CARF: variants seen among roughly 807,000 people sequenced by gnomAD.
CARF encodes the protein calcium-responsive transcription factor.
In CARF, 57 loss-of-function variants were observed where a neutral mutation model predicts 82.0. The ratio of observed to expected loss-of-function variants is 0.70; its 90% CI spans 0.56 to 0.87. The LOEUF (loss-of-function observed/expected upper bound fraction) is 0.87, where lower values mean the gene tolerates loss of function less well. CARF is among the 40% of genes least tolerant of loss of function. The pLI, the probability that CARF is intolerant of heterozygous loss-of-function variation, is 0.00. For synonymous variants in CARF, 268 were observed against 290.1 expected (o/e 0.92, Z 0.77); for missense variants, 771 against 855.8 (o/e 0.90, Z 1.24).
At chr2:202,925,975 C>T (rs76539244) in intron 3 of CARF, 1 of 156,928 alleles carries the variant, frequency 6.4e-6, no homozygotes, top group Non-Finnish European at 1.4e-5. Flanking sequence ...TCCAATCCAG[C>T]TTAGACTCTG....
chr2:202,943,238 A>T (rs577448571), intron 5 of CARF, among the ~76,000 whole-genome samples: 3 of 151,850 alleles, frequency 2.0e-5, no homozygotes, highest in African/African-American at 7.2e-5. Context: ...CACCTGGCTC[A>T]TTTTTTTGTA....
chr2:202,943,552 C>G (rs1299731874), intron 5 of CARF, among the ~76,000 whole-genome samples: 2 of 140,392 alleles, frequency 1.4e-5, no homozygotes, highest in African/African-American at 5.2e-5. Context: ...TTCTGAAGTG[C>G]CAGAGTTGAC....
chr2:202,973,867 C>T (rs1039172504), intron 12 of CARF, among the ~76,000 whole-genome samples: 4 of 152,116 alleles, frequency 2.6e-5, no homozygotes, highest in African/African-American at 7.2e-5. Context: ...GCGGGCGGAT[C>T]GCGAGGTTAG....
chr2:202,960,902 G>A (rs2059292480), intron 8 of CARF, among the ~76,000 whole-genome samples: 2 of 152,044 alleles, frequency 1.3e-5, no homozygotes, highest in Admixed American at 6.6e-5. Flanking sequence ...CTAGTTTTAC[G>A]CTGATCTGGA....
At chr2:202,932,422 G>A (rs774025585) in intron 3 of CARF, among the ~76,000 whole-genome samples, 3 of 152,108 alleles carry the variant, frequency 2.0e-5, no homozygotes, top group Non-Finnish European at 2.9e-5. Context: ...AGGGAGCTAG[G>A]TTGTAGCTGT....
In CARF at chr2:202,984,447, T is replaced by C. The variant is rs980696810; in HGVS notation, c.*823T>C. On this transcript the variant is annotated 3_prime_UTR_variant, in exon 17 of 17. Transcript: ENST00000438828. ...AATTGAAAAAGAATAATAGAATTCC[T>C]TGGTGTTTACAGATAATTTGGAAAA... The C allele has an allele frequency of 5.3e-5, 8 of 152,188 alleles. No homozygotes were observed. The highest frequency in any genetic ancestry group is 1.2e-4 in the Non-Finnish European group (8 of 68,028). 9.4% of individuals were successfully genotyped at this position (152,188 alleles called of 1,614,324 possible).
At chr2:202,929,021 C>T (rs551204303) in intron 3 of CARF, among the ~76,000 whole-genome samples, 4 of 48,028 alleles carry the variant, frequency 8.3e-5, no homozygotes, top group East Asian at 3.9e-4. Context: ...TGAGCCATCA[C>T]GCCTGGCCTG....
intron 1 of CARF, among the ~76,000 whole-genome samples, chr2:202,915,594 C>T (rs1377870042): frequency 3.3e-5 from 5 of 152,096 alleles, no homozygotes; most frequent in African/African-American, 9.7e-5. Flanking sequence ...CTCAGCCTCC[C>T]GAGTAGCTGG....
intron 8 of CARF, among the ~76,000 whole-genome samples, chr2:202,960,019 A>G (rs1024746824): frequency 1.3e-5 from 2 of 152,164 alleles, no homozygotes; most frequent in Admixed American, 6.5e-5. Flanking sequence ...AAAGAAAGAC[A>G]AGGATGGGAA....
At position 202,961,510 on chromosome 2, in the gene CARF, T is replaced by G. The variant is rs576037139; in HGVS notation, c.832+84T>G. 6 of 1,235,898 alleles carry G rather than the reference T, an allele frequency of 4.9e-6. No individual in the cohort carries two copies. The East Asian group carries it at 1.5e-4, about 31-fold the overall frequency. 76.6% of individuals were successfully genotyped at this position (1,235,898 alleles called of 1,614,324 possible). ...ATGTGATTTTCCTAAGGTGATAACA[T>G]TTTTATTTTGGTAGCTGACAATTGA... On this transcript the variant is annotated intron_variant, in intron 9 of 16. Coordinates refer to ENST00000438828, the MANE Select transcript of CARF (RefSeq NM_024744.17).
At chr2:202,915,534 A>G (rs946918354) in intron 1 of CARF, among the ~76,000 whole-genome samples, 4 of 151,992 alleles carry the variant, frequency 2.6e-5, no homozygotes, top group Non-Finnish European at 4.4e-5. Flanking sequence ...CAGTGGTGCA[A>G]TCTTGGCTCA....
chr2:202,975,399 G>A (rs780480447), intron 13 of CARF, among the ~76,000 whole-genome samples: 19 of 151,870 alleles, frequency 1.3e-4, no homozygotes, highest in South Asian at 6.2e-4. Context: ...AGCCAAGATC[G>A]TGCCACTGCA....
At chr2:202,920,398 G>T (rs113851584) in intron 2 of CARF, among the ~76,000 whole-genome samples, 10 of 151,964 alleles carry the variant, frequency 6.6e-5, no homozygotes, top group Admixed American at 6.6e-5. Flanking sequence ...CTTGTGATCC[G>T]CCCGCCTCGG....
intron 2 of CARF, 76 bp downstream of exon 2, chr2:202,918,119 G>A: frequency 2.4e-6 from 1 of 415,032 alleles, no homozygotes; most frequent in Non-Finnish European, 4.7e-6. Flanking sequence ...TGTTTAAAAA[G>A]TCAAATTACC....
At position 202,961,271 on chromosome 2, in the gene CARF, G is replaced by A. The variant is rs1168923500; in HGVS notation, c.677G>A (p.Ser226Asn). The A allele has an allele frequency of 1.2e-6, 2 of 1,613,908 alleles. No individual in the cohort carries two copies. The highest frequency in any genetic ancestry group is 2.2e-5 in the East Asian group (1 of 44,892). ...IGDSYRGYCV[S>N]ETELESVLTF... ...GATTCATACCGTGGCTACTGTGTAAGTGAGACTGAATTAGAAAGTGTCCTA... is the reference window on the plus strand; with the variant it reads ...GATTCATACCGTGGCTACTGTGTAAATGAGACTGAATTAGAAAGTGTCCTA... Residue 226 changes from serine to asparagine, a missense_variant, in exon 9 of 17, where the codon AGT becomes AAT. Physicochemically the swap from Ser to Asn is conservative, Grantham distance 46. Transcript: ENST00000438828.
At chr2:202,955,052 A>T (rs2163248) in intron 7 of CARF, among the ~76,000 whole-genome samples, 134,964 of 152,094 alleles carry the variant, frequency 0.89, 60,568 homozygotes, top group Non-Finnish European at 0.95. Flanking sequence ...CTAAATTTTT[A>T]AATTTGTTTT....
chr2:202,982,636 C>A (rs1392505677), intron 16 of CARF, among the ~76,000 whole-genome samples, 195 bp downstream of exon 16: 2 of 152,166 alleles, frequency 1.3e-5, no homozygotes, highest in South Asian at 2.1e-4. Flanking sequence ...TTTTCTTCTT[C>A]TTATTTCTAA....
At chr2:202,928,598 C>G (rs1485918659) in intron 3 of CARF, among the ~76,000 whole-genome samples, 1 of 152,140 alleles carries the variant, frequency 6.6e-6, no homozygotes, top group Non-Finnish European at 1.5e-5. Context: ...TGTATGAGTT[C>G]CCTTTTCTCC....
chr2:202,975,082 G>A (rs529813711), intron 13 of CARF, among the ~76,000 whole-genome samples: 53 of 151,994 alleles, frequency 3.5e-4, no homozygotes, highest in South Asian at 2.1e-3. Flanking sequence ...AGGCCGAGGC[G>A]GGCAGATCAC....
Sources: allele counts gnomAD v4.1 joint callset (sites outside exome capture counted in the v4.1 genomes callset), GRCh38; gene constraint gnomAD v4.1.1; transcripts MANE v1.5; gene names NCBI Gene and HGNC (gene_info 2026-07-23, HGNC 2026-07-21).